The following ZNF568 variants were observed in gnomAD, a reference collection of about 807,000 sequenced individuals.
ZNF568 encodes the protein p53 inhibitor of SCO2 activation.
ZNF568 carries 11 observed loss-of-function variants against 18.1 expected under a neutral mutation model. The ratio of observed to expected loss-of-function variants is 0.61; its 90% CI spans 0.38 to 1.00. The LOEUF (loss-of-function observed/expected upper bound fraction) is 1.00. Among genes scored for constraint, ZNF568 ranks in the 50% least tolerant of loss-of-function variants. The pLI is 0.01. For synonymous variants in ZNF568, 213 were observed against 246.6 expected, an observed-to-expected ratio of 0.86 and a Z score of 1.28; for missense variants, 639 against 768.2, an observed-to-expected ratio of 0.83 and a Z score of 1.99.
Position 36,950,960 on chromosome 19 carries a change from A to T in ZNF568, c.1807A>T (p.Ile603Leu), listed in dbSNP as rs770893041. ...KAFSQCSLLI[I>L]HMRSHTGEKP... ...CTTTTCTCAGTGCTCATTACTTATT[A>T]TACATATGAGAAGTCATACTGGTGA... The change falls in exon 7 of 7, where the codon ATA becomes TTA. Residue 603 changes from isoleucine to leucine, a missense_variant. Physicochemically the swap from Ile to Leu is conservative, Grantham distance 5. Coordinates refer to ENST00000333987, the MANE Select transcript of ZNF568 (RefSeq NM_198539.4). The T allele has an allele frequency of 1.2e-6, 2 of 1,613,846 alleles. No homozygotes were observed. Among genetic ancestry groups the T allele is most frequent in the Non-Finnish European group, 1.7e-6 (2 of 1,179,922 alleles).
chr19:36,947,884 C>A (rs35881914), intron 6 of ZNF568, among the ~76,000 whole-genome samples: 26,838 of 152,124 alleles, frequency 0.18, 2,387 homozygotes, highest in African/African-American at 0.21. Context: ...TATATGGATA[C>A]CCACTGCCCA....
At chr19:36,964,651 A>G (rs1386370399) in intron 6 of ZNF568, among the ~76,000 whole-genome samples, 3 of 152,098 alleles carry the variant, frequency 2.0e-5, no homozygotes, top group African/African-American at 4.8e-5. Flanking sequence ...TGTGTCTACA[A>G]AAAATTTTTA....
chr19:36,984,689 T>G (rs977073807), downstream of ZNF568, among the ~76,000 whole-genome samples: 1 of 148,908 alleles, frequency 6.7e-6, no homozygotes, highest in African/African-American at 2.5e-5. Flanking sequence ...TTGGTGTTTG[T>G]TTTTTTTTTA....
Position 36,949,529 on chromosome 19 carries a change from G to T in ZNF568, c.376G>T (p.Glu126Ter). Residue 126 changes from glutamate (E) to a stop codon, truncating the protein, a stop_gained, in exon 7 of 7, where the codon GAA becomes TAA. Transcript: ENST00000333987. LOFTEE classifies it low-confidence loss of function (END_TRUNC). ...RHCPEVWEVD[E>*]QIKKQQETLV... The stretch of plus-strand genomic sequence containing the variant: ...CATTTTAGAAGTTTGGGAAGTTGAT[G>T]AACAGATCAAGAAGCAACAGGAAAC... 1.3e-6 allele frequency: 2 copies of T among 1,583,894 alleles called. No homozygotes were observed. The highest frequency in any genetic ancestry group is 1.7e-6 in the Non-Finnish European group (2 of 1,168,806).
intron 6 of ZNF568, among the ~76,000 whole-genome samples, chr19:36,968,857 A>C (rs1292403513): frequency 7.3e-6 from 1 of 137,500 alleles, no homozygotes. Flanking sequence ...AGCATGAATG[A>C]GTTCTTTTTT....
chr19:36,965,629 A>G (rs1275403479), intron 6 of ZNF568, among the ~76,000 whole-genome samples: 1 of 151,886 alleles, frequency 6.6e-6, no homozygotes, highest in Non-Finnish European at 1.5e-5. Context: ...CAGCATCACA[A>G]CCATGGACTT....
At chr19:36,945,955 C>T (rs756653461) in intron 6 of ZNF568, among the ~76,000 whole-genome samples, 3 of 151,636 alleles carry the variant, frequency 2.0e-5, no homozygotes, top group Non-Finnish European at 4.4e-5. Flanking sequence ...ATTAGCCGGG[C>T]GTGGTGGTGT....
downstream of ZNF568, among the ~76,000 whole-genome samples, chr19:36,983,707 A>G (rs1001000929): frequency 6.6e-6 from 1 of 152,052 alleles, no homozygotes; most frequent in African/African-American, 2.4e-5. Flanking sequence ...GGGTTCGTCT[A>G]TTAGAGTTTC....
intron 4 of ZNF568, among the ~76,000 whole-genome samples, chr19:36,929,308 G>A (rs1232051545): frequency 6.6e-6 from 1 of 152,168 alleles, no homozygotes; most frequent in Non-Finnish European, 1.5e-5. Context: ...GGAGGCCACA[G>A]CTGGAGGATC....
chr19:36,933,911 GTTTTGTTTTTTTGTTT>G (rs2073738080), intron 4 of ZNF568, among the ~76,000 whole-genome samples: 6 of 54,726 alleles, frequency 1.1e-4, no homozygotes. Context: ...TTTTTTTTTT[GTTTTGTTTTTTTGTTT>G]TTTTTTTTTT....
At chr19:36,936,420 AT>A (rs66616603) in intron 4 of ZNF568, among the ~76,000 whole-genome samples, 31,621 of 151,970 alleles carry the variant, frequency 0.21, 3,507 homozygotes, top group African/African-American at 0.29. Context: ...ATCTTGTGTC[AT>A]TGCTTACTCT....
At chr19:36,982,392 CT>C (rs145721670), downstream of ZNF568, among the ~76,000 whole-genome samples, 2,061 of 152,144 alleles carry the variant, frequency 0.014, 54 homozygotes, top group African/African-American at 0.047. Context: ...TTTAAAATGC[CT>C]TTTCTGCATC....
At chr19:36,933,101 A>G (rs2073714695) in intron 4 of ZNF568, among the ~76,000 whole-genome samples, 1 of 147,028 alleles carries the variant, frequency 6.8e-6, no homozygotes, top group African/African-American at 2.5e-5. Flanking sequence ...ACCATTGCCT[A>G]ATTCAATTGA....
chr19:36,982,550 C>CA (rs981324624), downstream of ZNF568, among the ~76,000 whole-genome samples: 1 of 151,846 alleles, frequency 6.6e-6, no homozygotes, highest in Non-Finnish European at 1.5e-5. Flanking sequence ...AATACAACAA[C>CA]AAAAAATTAG....
At position 36,949,707 on chromosome 19, in the gene ZNF568, TG is replaced by T; in HGVS notation, c.556del (p.Glu186AsnfsTer4). On this transcript the variant is annotated frameshift_variant, in exon 7 of 7. Transcript: ENST00000333987. LOFTEE classifies it low-confidence loss of function (END_TRUNC). ...GACTGTGACTCACTTGATAAGGGTT[TG>T]GAACATAATTTAGACTTACTTAGAT... ...FYDCDSLDKG[L>X]EHNLDLLRYE... is the part of the protein sequence containing the mutation. 6.2e-7 allele frequency: 1 copy of T among 1,613,938 alleles called. No homozygotes were observed. The highest frequency in any genetic ancestry group is 1.1e-5 in the South Asian group (1 of 91,070).
At chr19:36,949,029 T>C (rs1174729442) in intron 6 of ZNF568, among the ~76,000 whole-genome samples, 1 of 152,156 alleles carries the variant, frequency 6.6e-6, no homozygotes, top group East Asian at 1.9e-4. Context: ...TAAAATCTCT[T>C]GTTCATCTTT....
intron 7 of ZNF568, among the ~76,000 whole-genome samples, chr19:36,976,552 AGAGT>A (rs1322113134): frequency 1.3e-5 from 2 of 152,164 alleles, no homozygotes; most frequent in African/African-American, 4.8e-5. Context: ...TCAATGAAAT[AGAGT>A]ATTATTCTAA....
At chr19:36,969,359 A>T (rs1395716098) in intron 6 of ZNF568, among the ~76,000 whole-genome samples, 1 of 152,190 alleles carries the variant, frequency 6.6e-6, no homozygotes, top group Non-Finnish European at 1.5e-5. Context: ...GAAGGAATGC[A>T]AAAGTTCTAT....
chr19:36,921,060 G>A (rs909452257), intron 2 of ZNF568, among the ~76,000 whole-genome samples: 1 of 152,186 alleles, frequency 6.6e-6, no homozygotes, highest in Non-Finnish European at 1.5e-5. Flanking sequence ...ATTTGTGTAA[G>A]TACACTTATA....
Sources: allele counts gnomAD v4.1 joint callset (sites outside exome capture counted in the v4.1 genomes callset), GRCh38; gene constraint gnomAD v4.1.1; transcripts MANE v1.5; gene names NCBI Gene and HGNC (gene_info 2026-07-23, HGNC 2026-07-21).